Variants in RALB observed in about 807,000 individuals in gnomAD.
RALB encodes RAS like proto-oncogene B.
RALB carries 16 observed loss-of-function variants against 21.3 expected under a neutral mutation model. The ratio of observed to expected loss-of-function variants is 0.75; its 90% CI spans 0.51 to 1.14. RALB has a LOEUF of 1.14. RALB is among the 50% of genes most tolerant of loss of function. The pLI, the probability that RALB is intolerant of heterozygous loss-of-function variation, is 0.00. For missense variants in RALB, 161 were observed against 256.2 expected, an observed-to-expected ratio of 0.63 and a Z score of 2.54; for synonymous variants, 93 against 96.1, an observed-to-expected ratio of 0.97 and a Z score of 0.19.
intron 1 of RALB, among the ~76,000 whole-genome samples, chr2:120,272,974 A>C (rs1284520553): frequency 1.3e-5 from 2 of 152,322 alleles, no homozygotes; most frequent in East Asian, 3.9e-4. Context: ...AAAAACAAAC[A>C]CAACAGTGGA....
intron 3 of RALB, among the ~76,000 whole-genome samples, chr2:120,287,228 C>T (rs889183426): frequency 1.8e-4 from 27 of 152,282 alleles, no homozygotes; most frequent in African/African-American, 6.5e-4. Flanking sequence ...CCAGGGAGGC[C>T]TCGGGTGAGC....
At position 120,253,313 on chromosome 2, in the gene RALB, C is replaced by G. The variant is rs547571549; in HGVS notation, c.-48+333C>G. ...CTGCCGCGGGCCTCCCGCTCGGGAC[C>G]GTCCACTTCCTCAGTCCTCCGGCCG... is the stretch of plus-strand genomic sequence containing the variant. On this transcript the variant is annotated intron_variant, in intron 1 of 4. Transcript: ENST00000272519. The G allele has an allele frequency of 1.4e-5, 12 of 850,804 alleles. No homozygotes were observed. The African/African-American group carries it at 1.8e-4, about 13-fold the overall frequency. 52.7% of individuals were successfully genotyped at this position (850,804 alleles called of 1,614,324 possible).
intron 1 of RALB, among the ~76,000 whole-genome samples, chr2:120,246,113 G>A (rs980129191): frequency 1.3e-5 from 2 of 152,186 alleles, no homozygotes; most frequent in African/African-American, 4.8e-5. Flanking sequence ...AAGGAATGGG[G>A]CTGTCTATAA....
At position 120,285,983 on chromosome 2, in the gene RALB, A is replaced by G; in HGVS notation, c.224A>G (p.Tyr75Cys). 1 of 1,614,096 alleles carries G rather than the reference A, an allele frequency of 6.2e-7. No individual in the cohort carries two copies. The highest frequency in any genetic ancestry group is 8.5e-7 in the Non-Finnish European group (1 of 1,179,956). ...CTGGACACCGCTGGGCAAGAGGACT[A>G]CGCAGCCATTCGAGATAACTACTTT... ...DILDTAGQED[Y>C]AAIRDNYFRS... The change falls in exon 3 of 5, where the codon TAC becomes TGC. Residue 75 changes from tyrosine to cysteine, a missense_variant. Physicochemically the swap from Tyr to Cys is radical, Grantham distance 194. Coordinates refer to ENST00000272519, the MANE Select transcript of RALB (RefSeq NM_002881.3).
At chr2:120,277,603 GTGT>G (rs1363126652) in intron 1 of RALB, among the ~76,000 whole-genome samples, 2 of 151,960 alleles carry the variant, frequency 1.3e-5, no homozygotes, top group Admixed American at 6.6e-5. Context: ...TATGGAGTGT[GTGT>G]TGTGAGAGCA....
chr2:120,284,075 C>T (rs890274543), intron 2 of RALB, among the ~76,000 whole-genome samples: 14 of 152,164 alleles, frequency 9.2e-5, no homozygotes, highest in African/African-American at 2.7e-4. Flanking sequence ...AGGGGACAGT[C>T]GTGTGTTGGA....
intron 1 of RALB, among the ~76,000 whole-genome samples, chr2:120,260,182 C>G (rs903320003): frequency 1.3e-5 from 2 of 152,244 alleles, no homozygotes; most frequent in Non-Finnish European, 2.9e-5. Context: ...CCTTGGCCAG[C>G]CCAGAAAGGG....
chr2:120,254,682 TTTG>T (rs1305838934), intron 1 of RALB, among the ~76,000 whole-genome samples: 1 of 15,410 alleles, frequency 6.5e-5, no homozygotes, highest in African/African-American at 5.0e-4. Context: ...TAATCCTTTT[TTTG>T]TTTGTTTTTG....
chr2:120,286,149 C>G (rs773654811), intron 3 of RALB, 67 bp downstream of exon 3: 1 of 1,384,178 alleles, frequency 7.2e-7, no homozygotes, highest in South Asian at 1.2e-5. Flanking sequence ...TGTCTTAGGC[C>G]TATGAAGAAT....
At chr2:120,276,353 C>A (rs1254439105) in intron 1 of RALB, among the ~76,000 whole-genome samples, 7 of 152,154 alleles carry the variant, frequency 4.6e-5, no homozygotes, top group Non-Finnish European at 8.8e-5. Flanking sequence ...GTAGTCCCAG[C>A]ATTTTGGGAG....
At chr2:120,240,193 T>C in intron 1 of RALB, 1 of 1,279,092 alleles carries the variant, frequency 7.8e-7, no homozygotes, top group Non-Finnish European at 1.0e-6. Flanking sequence ...TTGCCTGTTG[T>C]TATCCTCATT....
intron 1 of RALB, among the ~76,000 whole-genome samples, chr2:120,246,816 T>C (rs2104568347): frequency 6.6e-6 from 1 of 151,656 alleles, no homozygotes; most frequent in Admixed American, 6.6e-5. Flanking sequence ...TGTGGCTGAG[T>C]GCAGTCCCCG....
chr2:120,277,702 G>GGT (rs547902944), intron 1 of RALB, among the ~76,000 whole-genome samples: 1 of 151,358 alleles, frequency 6.6e-6, no homozygotes, highest in Non-Finnish European at 1.5e-5. Context: ...TGTGTATGTG[G>GGT]GTGTGTGTGA....
chr2:120,282,031 C>G (rs531349464), intron 2 of RALB, among the ~76,000 whole-genome samples: 1 of 152,116 alleles, frequency 6.6e-6, no homozygotes, highest in South Asian at 2.1e-4. Flanking sequence ...AGGACAGCCC[C>G]GAACAAAGTA....
chr2:120,259,115 C>T (rs1213531002), intron 1 of RALB, among the ~76,000 whole-genome samples: 1 of 152,178 alleles, frequency 6.6e-6, no homozygotes, highest in African/African-American at 2.4e-5. Context: ...GTGAGTGTTA[C>T]AGCTCATAAA....
intron 1 of RALB, among the ~76,000 whole-genome samples, chr2:120,240,294 T>A (rs573261585): frequency 0.014 from 1,493 of 108,900 alleles, 39 homozygotes; most frequent in African/African-American, 0.059. Flanking sequence ...TTTATTTTTA[T>A]TTTTTTTTGA....
chr2:120,259,766 G>A (rs1036149196), intron 1 of RALB, among the ~76,000 whole-genome samples: 2 of 152,268 alleles, frequency 1.3e-5, no homozygotes, highest in Non-Finnish European at 2.9e-5. Flanking sequence ...CTCAGCCCTT[G>A]GGTGGTCGAT....
At chr2:120,251,710 T>C (rs1032019585), upstream of RALB, among the ~76,000 whole-genome samples, 1 of 152,228 alleles carries the variant, frequency 6.6e-6, no homozygotes, top group African/African-American at 2.4e-5. Context: ...AAAGTGTCTG[T>C]CATACGATTA....
intron 1 of RALB, among the ~76,000 whole-genome samples, chr2:120,277,326 T>C (rs986274520): frequency 1.3e-5 from 2 of 151,092 alleles, no homozygotes; most frequent in African/African-American, 4.9e-5. Flanking sequence ...GCATGTGAGA[T>C]TGTGTGTGGT....
Sources: allele counts gnomAD v4.1 joint callset (sites outside exome capture counted in the v4.1 genomes callset), GRCh38; gene constraint gnomAD v4.1.1; transcripts MANE v1.5; gene names NCBI Gene and HGNC (gene_info 2026-07-23, HGNC 2026-07-21).